Variants in RGS7BP observed in about 807,000 individuals in gnomAD.
RGS7BP encodes regulator of G protein signaling 7-binding protein.
In RGS7BP, 9 loss-of-function variants were observed where a neutral mutation model predicts 31.3. The observed-to-expected ratio is 0.29, with a 90% CI of 0.17 to 0.50. RGS7BP has a LOEUF of 0.50. RGS7BP is among the 20% of genes least tolerant of loss of function. The pLI, the probability that RGS7BP is intolerant of heterozygous loss-of-function variation, is 0.98. For synonymous variants in RGS7BP, 115 were observed against 120.1 expected, an observed-to-expected ratio of 0.96 and a Z score of 0.28; for missense variants, 274 against 322.0, an observed-to-expected ratio of 0.85 and a Z score of 1.14.
intron 2 of RGS7BP, among the ~76,000 whole-genome samples, chr5:64,572,893 G>T (rs1019763314): frequency 2.3e-4 from 35 of 148,950 alleles, no homozygotes; most frequent in African/African-American, 8.7e-4. Flanking sequence ...ATGTATACAT[G>T]TGCCATGCTG....
Position 64,563,591 on chromosome 5 carries a change from G to A in RGS7BP, c.333-12183G>A, listed in dbSNP as rs1742103473. Among the ~76,000 whole-genome samples the A allele has an allele frequency of 5.9e-5, 9 of 152,250 alleles. No homozygotes were observed. The South Asian group carries it at 1.9e-3, about 32-fold the overall frequency. Reference sequence around the variant, plus strand: ...TTGCCAGAAAACTAACAGATGCTAGGTAGAAGCACAGAGCAGTTTCTTCCT... The same window carrying A: ...TTGCCAGAAAACTAACAGATGCTAGATAGAAGCACAGAGCAGTTTCTTCCT... On this transcript the variant is annotated intron_variant, in intron 2 of 5. Coordinates refer to ENST00000334025, the MANE Select transcript of RGS7BP (RefSeq NM_001029875.3).
chr5:64,602,977 T>A (rs949137079), intron 5 of RGS7BP, among the ~76,000 whole-genome samples: 2 of 152,016 alleles, frequency 1.3e-5, no homozygotes, highest in African/African-American at 4.8e-5. Flanking sequence ...TATGGGGAGA[T>A]GAAATAGGAG....
chr5:64,511,583 C>CTA (rs1372049400), intron 2 of RGS7BP, among the ~76,000 whole-genome samples: 1 of 152,120 alleles, frequency 6.6e-6, no homozygotes, highest in South Asian at 2.1e-4. Context: ...GTCCACGTGC[C>CTA]TATCAGGAGT....
chr5:64,564,475 G>A (rs1303581569), intron 2 of RGS7BP, among the ~76,000 whole-genome samples: 5 of 152,094 alleles, frequency 3.3e-5, no homozygotes, highest in African/African-American at 4.8e-5. Flanking sequence ...AAGAACTTTT[G>A]AAGCTTTTTA....
chr5:64,597,998 T>A (rs1561349448), intron 4 of RGS7BP, among the ~76,000 whole-genome samples: 1 of 152,192 alleles, frequency 6.6e-6, no homozygotes, highest in Non-Finnish European at 1.5e-5. Context: ...AAGTTTGCCC[T>A]GGGTAGCCCT....
At chr5:64,596,910 G>A (rs1323914791) in intron 4 of RGS7BP, among the ~76,000 whole-genome samples, 1 of 152,126 alleles carries the variant, frequency 6.6e-6, no homozygotes, top group Non-Finnish European at 1.5e-5. Flanking sequence ...AATGGACTGA[G>A]AGGTTTCATA....
chr5:64,545,066 C>T (rs974847818), intron 2 of RGS7BP, among the ~76,000 whole-genome samples: 12 of 151,726 alleles, frequency 7.9e-5, no homozygotes, highest in African/African-American at 2.7e-4. Flanking sequence ...GTCCCAGCTA[C>T]TCAGGAGGCT....
chr5:64,589,567 T>C (rs569941767), intron 3 of RGS7BP, among the ~76,000 whole-genome samples: 3 of 152,092 alleles, frequency 2.0e-5, no homozygotes, highest in Non-Finnish European at 4.4e-5. Flanking sequence ...TAACCTGAAC[T>C]CTTCATTCAA....
rs568877319 is a variant in RGS7BP at position 64,506,328 on chromosome 5, A to C, written c.-297A>C. 1 of 295,348 alleles carries C rather than the reference A, an allele frequency of 3.4e-6. No homozygotes were observed. The highest frequency in any genetic ancestry group is 5.4e-5 in the East Asian group (1 of 18,426). 18.3% of individuals were successfully genotyped at this position (295,348 alleles called of 1,614,324 possible). A position where few individuals can be genotyped will look rare whatever the true frequency, so the allele number is the denominator to read the frequency against. On this transcript the variant is annotated 5_prime_UTR_variant, in exon 1 of 6. Transcript: ENST00000334025. This position sits in a 1 kb window ranked among gnomAD's most constrained non-coding sequence, Gnocchi z 4.6. ...TTGCAATCCATGCCGAGAGGAAGGC[A>C]GTGCGAGCCCGCGCCAGCGCCCAGC...
chr5:64,554,855 T>C (rs1336216526), intron 2 of RGS7BP, among the ~76,000 whole-genome samples: 2 of 152,010 alleles, frequency 1.3e-5, no homozygotes, highest in African/African-American at 4.8e-5. Context: ...CCAAGCATAC[T>C]TGGAAAATAA....
intron 2 of RGS7BP, among the ~76,000 whole-genome samples, chr5:64,527,987 G>T (rs1428916682): frequency 6.6e-6 from 1 of 152,180 alleles, no homozygotes; most frequent in African/African-American, 2.4e-5. Context: ...AAATATAGTT[G>T]TAGAAAATCT....
rs921619503 is a variant in RGS7BP, at chr5:64,612,078, G to A, written c.*2826G>A. The A allele has an allele frequency of 1.3e-5, 2 of 152,036 alleles. No homozygotes were observed. Among genetic ancestry groups the A allele is most frequent in the South Asian group, 4.1e-4 (2 of 4,826 alleles). The allele number at this position is 152,036 out of a possible 1,614,324, so 9.4% of individuals were successfully genotyped here. A position where few individuals can be genotyped will look rare whatever the true frequency, so the allele number is the denominator to read the frequency against. ...TTTCCCACCATATCTTTACTATCCT[G>A]TGTTGATTTTTTTTTCAAATTACAA... is the stretch of plus-strand genomic sequence containing the variant. On this transcript the variant is annotated 3_prime_UTR_variant, in exon 6 of 6. Coordinates refer to ENST00000334025, the MANE Select transcript of RGS7BP (RefSeq NM_001029875.3).
rs1220869861 is a variant in RGS7BP, at chr5:64,506,681, G to C, written c.57G>C (p.Ser19=). ...GCCCCAGCCGGTCCACCCGCTCCTC[G>C]ATCTTCCAGATCAGCAAGCCCCCGC... ...KKRPSRSTRS[S]IFQISKPPLQ... is the part of the protein sequence containing the mutation. Residue 19 remains serine (S), a synonymous_variant, in exon 1 of 6, where the codon TCG becomes TCC. Coordinates refer to ENST00000334025, the MANE Select transcript of RGS7BP (RefSeq NM_001029875.3). The surrounding 1 kb of genome is among the most constrained non-coding windows in gnomAD (Gnocchi z 4.6). 1.9e-6 allele frequency: 3 copies of C among 1,613,218 alleles called. No homozygotes were observed. The highest frequency in any genetic ancestry group is 2.2e-5 in the East Asian group (1 of 44,822).
At chr5:64,535,824 T>G (rs1457043653) in intron 2 of RGS7BP, among the ~76,000 whole-genome samples, 2 of 152,206 alleles carry the variant, frequency 1.3e-5, no homozygotes, top group Non-Finnish European at 2.9e-5. Flanking sequence ...TTTGGCCAGT[T>G]ATTGTCAAAG....
At chr5:64,596,119 G>T (rs1743061588) in intron 4 of RGS7BP, among the ~76,000 whole-genome samples, 1 of 152,200 alleles carries the variant, frequency 6.6e-6, no homozygotes, top group African/African-American at 2.4e-5. Context: ...ATTTTACTTT[G>T]CAGACCTTAG....
intron 2 of RGS7BP, among the ~76,000 whole-genome samples, chr5:64,547,285 A>G (rs938107321): frequency 2.6e-5 from 4 of 152,228 alleles, no homozygotes; most frequent in Non-Finnish European, 4.4e-5. Context: ...GGGTTGATAT[A>G]TATTTAACTC....
chr5:64,584,158 A>G (rs1448516943), intron 3 of RGS7BP, among the ~76,000 whole-genome samples: 1 of 152,232 alleles, frequency 6.6e-6, no homozygotes, highest in Non-Finnish European at 1.5e-5. Context: ...AATAAAGGAT[A>G]GTAGCACAGT....
chr5:64,604,029 G>A (rs1364888328), intron 5 of RGS7BP, among the ~76,000 whole-genome samples: 2 of 152,206 alleles, frequency 1.3e-5, no homozygotes, highest in African/African-American at 4.8e-5. Flanking sequence ...CAAGTGCAAA[G>A]GCAGCAGGCA....
chr5:64,521,691 C>G (rs1328593489), intron 2 of RGS7BP, among the ~76,000 whole-genome samples: 1 of 152,086 alleles, frequency 6.6e-6, no homozygotes, highest in African/African-American at 2.4e-5. Flanking sequence ...TTTCCCTTAC[C>G]CTCGCCAAAA....
Sources: gnomAD v4.1 joint callset for allele counts (sites outside exome capture counted in the v4.1 genomes callset) on GRCh38, gnomAD v4.1.1 for gene constraint, Gnocchi (gnomAD v3.1) non-coding constraint, MANE v1.5 for transcripts, NCBI Gene and HGNC (gene_info 2026-07-23, HGNC 2026-07-21) for gene names.